The following PLEC variants were observed in gnomAD, a reference collection of about 807,000 sequenced individuals.
PLEC encodes hemidesmosomal protein 1.
A neutral mutation model predicts 392.8 loss-of-function variants in PLEC; 216 were observed. The observed-to-expected ratio is 0.55, with a 90% confidence interval of 0.49 to 0.62. The LOEUF (loss-of-function observed/expected upper bound fraction) is 0.62, where lower values mean the gene tolerates loss of function less well. Among genes scored for constraint, PLEC ranks in the 20% least tolerant of loss-of-function variants. PLEC has a pLI of 0.00. For missense variants in PLEC, 6,863 were observed against 6,563.4 expected (o/e 1.05, Z -1.58); for synonymous variants, 3,621 against 2,980.6 (o/e 1.21, Z -7.00).
In PLEC at chr8:143,950,506, CCAGG is replaced by C. The variant is rs1554735584; in HGVS notation, c.197_200del (p.Ala66GlyfsTer41). 3 of 1,608,362 alleles carry C rather than the reference CCAGG, an allele frequency of 1.9e-6. No individual in the cohort carries two copies. Among genetic ancestry groups the C allele is most frequent in the South Asian group, 2.2e-5 (2 of 89,812 alleles). ...TGGTGAGGTACCAGTAAAAGTGGCA[CCAGG>C]CAAAGGTCTCGCGGACCAGGCCCCG... is the stretch of plus-strand genomic sequence containing the variant. On this transcript the variant is annotated frameshift_variant, in exon 1 of 32. Coordinates refer to the PLEC transcript ENST00000322810. LOFTEE classifies it high-confidence loss of function.
rs1166396161 is a variant in PLEC at position 143,916,120 on chromosome 8, G to A, written c.*57C>T. ...CCTTTAAGCGTTGAAAACGGCCCCC[G>A]CGCCTCGGTGGGAGCCGGGCTGGGC... On this transcript the variant is annotated 3_prime_UTR_variant, in exon 32 of 32. Coordinates refer to ENST00000345136, the MANE Select transcript of PLEC (RefSeq NM_201384.3). The A allele has an allele frequency of 3.1e-5, 42 of 1,360,392 alleles. No homozygotes were observed. Among genetic ancestry groups the A allele is most frequent in the African/African-American group, 9.0e-5 (6 of 66,900 alleles). 84.3% of individuals were successfully genotyped at this position (1,360,392 alleles called of 1,614,324 possible).
At chr8:143,928,899 G>A (rs1177729990) in intron 25 of PLEC, among the ~76,000 whole-genome samples, 6 of 152,084 alleles carry the variant, frequency 3.9e-5, no homozygotes, top group South Asian at 4.1e-4. Context: ...GAAGTCCCCC[G>A]GCCGCCACTG....
chr8:143,927,044 A>G lies in PLEC; in HGVS notation c.3878T>C (p.Leu1293Pro). ...ELQLVTYKAQ[L>P]EPVASPAKKP... ...CTTGGCCGGGGAGGCCACCGGCTCA[A>G]GCTGCGCCTTGTACGTCACCAGCTG... The change falls in exon 29 of 32, where the codon CTT becomes CCT. Residue 1293 changes from leucine (L) to proline (P), a missense_variant. Transcript: ENST00000345136. The G allele has an allele frequency of 2.5e-6, 4 of 1,612,414 alleles. No homozygotes were observed. The highest frequency in any genetic ancestry group is 3.4e-6 in the Non-Finnish European group (4 of 1,179,998).
intron 1 of PLEC, among the ~76,000 whole-genome samples, chr8:143,963,739 G>A (rs1352942439): frequency 4.6e-5 from 7 of 151,218 alleles, no homozygotes; most frequent in African/African-American, 1.7e-4. Flanking sequence ...AGCCTCCAGG[G>A]TTAAGCAATC....
upstream of PLEC, chr8:143,953,604 G>C: frequency 9.2e-7 from 1 of 1,086,052 alleles, no homozygotes; most frequent in Non-Finnish European, 1.4e-6. Context: ...CTCTGGCTCA[G>C]CGACCCACAG....
rs1208514926 is a variant in PLEC at position 143,916,730 on chromosome 8, G to A, written c.13091C>T (p.Thr4364Ile). 1 of 1,613,124 alleles carries A rather than the reference G, an allele frequency of 6.2e-7. No homozygotes were observed. The highest frequency in any genetic ancestry group is 2.2e-5 in the East Asian group (1 of 44,872). ...KAFCGFEDPRTKTKMSAAQAL... is the reference protein window; with the variant it reads ...KAFCGFEDPRIKTKMSAAQAL... ...CTGGGCGGCCGACATCTTGGTCTTG[G>A]TGCGTGGGTCCTCGAAGCCGCAGAA... is the stretch of plus-strand genomic sequence containing the variant. Residue 4364 changes from threonine (T) to isoleucine (I), a missense_variant, in exon 32 of 32, where the codon ACC becomes ATC. Transcript: ENST00000345136.
Position 143,919,332 on chromosome 8 carries a change from C to T in PLEC, c.10489G>A (p.Glu3497Lys). 1 of 1,613,970 alleles carries T rather than the reference C, an allele frequency of 6.2e-7. No homozygotes were observed. Residue 3497 changes from glutamate to lysine, a missense_variant, in exon 32 of 32, where the codon GAG becomes AAG. Transcript: ENST00000345136. Reference sequence around the variant, plus strand: ...GGGTCCGCCAGGACGCGGTTCATCTCCTCACTGAAGTAGCCGCGCTGGTAG... The same window carrying T: ...GGGTCCGCCAGGACGCGGTTCATCTTCTCACTGAAGTAGCCGCGCTGGTAG... Reference protein sequence around the residue: ...VAYQRGYFSEEMNRVLADPSD... With the variant: ...VAYQRGYFSEKMNRVLADPSD...
chr8:143,931,494 C>T, intron 19 of PLEC, 40 bp downstream of exon 19: 1 of 1,559,298 alleles, frequency 6.4e-7, no homozygotes, highest in Non-Finnish European at 8.7e-7. Flanking sequence ...GACTCCAGGC[C>T]AGCCCCTCCT....
At chr8:143,955,956 T>C (rs1291504017), upstream of PLEC, among the ~76,000 whole-genome samples, 1 of 149,354 alleles carries the variant, frequency 6.7e-6, no homozygotes, top group African/African-American at 2.5e-5. Flanking sequence ...TTTTTTTTTT[T>C]TTTTTTTTAA....
chr8:143,943,771 G>T, upstream of PLEC: 1 of 1,610,414 alleles, frequency 6.2e-7, no homozygotes. Context: ...GCCACCAGCG[G>T]GGCTTACCTT....
In PLEC at chr8:143,926,053, G is replaced by A. The variant is rs7016860; in HGVS notation, c.4045-169C>T. Among the ~76,000 whole-genome samples, 46,033 of 152,256 alleles carry A rather than the reference G, an allele frequency of 0.3. 8,654 individuals are homozygous for A. Among genetic ancestry groups the A allele is most frequent in the Non-Finnish European group, 0.41 (28,205 of 67,980 alleles). On this transcript the variant is annotated intron_variant, in intron 30 of 31. Coordinates refer to ENST00000345136, the MANE Select transcript of PLEC (RefSeq NM_201384.3). ...CAGCGTGCACCCGCCCAGGGCGCTC[G>A]GGCAGCGATCGCAGCCGGCCCCACT...
intron 1 of PLEC, among the ~76,000 whole-genome samples, chr8:143,966,390 C>A (rs1243293117): frequency 6.6e-6 from 1 of 152,232 alleles, no homozygotes; most frequent in Non-Finnish European, 1.5e-5. Context: ...TCTGCACACG[C>A]ATACCTATCT....
chr8:143,959,161 G>T (rs887901211), intron 1 of PLEC, among the ~76,000 whole-genome samples: 1 of 152,178 alleles, frequency 6.6e-6, no homozygotes, highest in Admixed American at 6.5e-5. Flanking sequence ...CGCAGCTCTC[G>T]GTCCAGCGCC....
Position 143,934,316 on chromosome 8 carries a change from A to G in PLEC, c.1169+2T>C. On this transcript the variant is annotated splice_donor_variant, in intron 11 of 31. Coordinates refer to ENST00000345136, the MANE Select transcript of PLEC (RefSeq NM_201384.3). LOFTEE classifies it high-confidence loss of function. ...CCCCTGCCACCACAGGGCCCCACCC[A>G]CCTCTCAAACTCGCTGCGGAGCTGC... 1.9e-6 allele frequency: 3 copies of G among 1,611,702 alleles called. No individual in the cohort carries two copies. The highest frequency in any genetic ancestry group is 8.5e-7 in the Non-Finnish European group (1 of 1,179,864).
In PLEC at chr8:143,927,546, C is replaced by A. The variant is rs146685404; in HGVS notation, c.3620G>T (p.Arg1207Leu). 1.5e-4 allele frequency: 238 copies of A among 1,595,998 alleles called. No homozygotes were observed. In the African/African-American group the frequency reaches 2.8e-3, roughly 19 times the overall value. The change falls in exon 27 of 32, where the codon CGC (arginine) becomes CTC (leucine). Residue 1207 changes from arginine to leucine, a missense_variant. Transcript: ENST00000345136. ...VRQRELEQLGRQLRYYRESAD... is the reference protein window; with the variant it reads ...VRQRELEQLGLQLRYYRESAD... ...ACTCTCGCGGTAGTAACGCAGCTGG[C>A]GGCCCAGTTGCTCGAGCTCGCGCTG... is the stretch of plus-strand genomic sequence containing the variant.
Position 143,929,584 on chromosome 8 carries a change from T to G in PLEC, c.2924-13A>C. 1 of 1,611,984 alleles carries G rather than the reference T, an allele frequency of 6.2e-7. No individual in the cohort carries two copies. Among genetic ancestry groups the G allele is most frequent in the Non-Finnish European group, 8.5e-7 (1 of 1,179,858 alleles). ...TCTTCCTGTGCACCTGGGGAACACA[T>G]GTGGGTCACTCCACCGCCCACCTCG... is the stretch of plus-strand genomic sequence containing the variant. On this transcript the variant is annotated splice_polypyrimidine_tract_variant and intron_variant, in intron 23 of 31. Transcript: ENST00000345136.
rs1828632553 is a variant in PLEC, at chr8:143,935,051, A to G, written c.785T>C (p.Met262Thr). ...ITYVSSLYDA[M>T]PRVPDVQDGV... ...ATCCTGCACGTCCGGCACGCGGGGC[A>G]TGGCGTCATACAGCGACGAGACGTA... Residue 262 changes from methionine (M) to threonine (T), a missense_variant, in exon 8 of 32, where the codon ATG (methionine) becomes ACG (threonine). Transcript: ENST00000345136. 1 of 1,612,818 alleles carries G rather than the reference A, an allele frequency of 6.2e-7. No homozygotes were observed. The highest frequency in any genetic ancestry group is 8.5e-7 in the Non-Finnish European group (1 of 1,179,902).
In PLEC at chr8:143,935,123, G is replaced by A; in HGVS notation, c.719-6C>T. 5.6e-6 allele frequency: 9 copies of A among 1,612,892 alleles called. No homozygotes were observed. Among genetic ancestry groups the A allele is most frequent in the Non-Finnish European group, 5.9e-6 (7 of 1,179,830 alleles). ...GGGCTGAGGGACATCCACGTCTGCA[G>A]GGAAGGGCAGCTCAGCGGTGGCTCT... is the stretch of plus-strand genomic sequence containing the variant. On this transcript the variant is annotated splice_polypyrimidine_tract_variant and splice_region_variant and intron_variant, in intron 7 of 31. Coordinates refer to ENST00000345136, the MANE Select transcript of PLEC (RefSeq NM_201384.3).
At chr8:143,943,843 G>A (rs369220983), upstream of PLEC, 191 of 1,612,256 alleles carry the variant, frequency 1.2e-4, 1 homozygote, top group Middle Eastern at 3.3e-4. Flanking sequence ...GGGTGACAAC[G>A]TGACCCACAA....
Sources: gnomAD v4.1 joint callset for allele counts (sites outside exome capture counted in the v4.1 genomes callset) on GRCh38, gnomAD v4.1.1 for gene constraint, MANE v1.5 for transcripts, NCBI Gene and HGNC (gene_info 2026-07-23, HGNC 2026-07-21) for gene names.